Variants in WARS2 observed in about 807,000 individuals in gnomAD.
WARS2 encodes the protein tryptophanyl tRNA synthetase 2, mitochondrial.
In WARS2, 28 loss-of-function variants were observed where a neutral mutation model predicts 36.5. The ratio of observed to expected loss-of-function variants is 0.77; its 90% CI spans 0.57 to 1.05. WARS2 has a LOEUF of 1.05. Among genes scored for constraint, WARS2 ranks in the 50% least tolerant of loss-of-function variants. WARS2 has a pLI of 0.00. For synonymous variants in WARS2, 174 were observed against 178.4 expected, an observed-to-expected ratio of 0.98 and a Z score of 0.20; for missense variants, 435 against 456.8, an observed-to-expected ratio of 0.95 and a Z score of 0.44.
At chr1:119,109,580 T>C (rs1654488130) in intron 1 of WARS2, among the ~76,000 whole-genome samples, 1 of 151,970 alleles carries the variant, frequency 6.6e-6, no homozygotes, top group South Asian at 2.1e-4. Flanking sequence ...TAAATCCATA[T>C]GTGTCTTTAT....
At chr1:119,135,234 G>A (rs13376039) in intron 1 of WARS2, among the ~76,000 whole-genome samples, 1 of 152,208 alleles carries the variant, frequency 6.6e-6, no homozygotes, top group African/African-American at 2.4e-5. Flanking sequence ...GGAAGCTGCA[G>A]TATTTTTCAA....
At chr1:119,111,168 G>GT (rs1195990340) in intron 1 of WARS2, among the ~76,000 whole-genome samples, 2 of 152,104 alleles carry the variant, frequency 1.3e-5, no homozygotes, top group Non-Finnish European at 2.9e-5. Context: ...TTCAAATTGT[G>GT]TTTTTTACTG....
chr1:119,085,548 C>G, intron 1 of WARS2: 6 of 1,612,000 alleles, frequency 3.7e-6, no homozygotes, highest in Non-Finnish European at 5.1e-6. Context: ...ACGAGCCCCA[C>G]AGCCCTTCTC....
intron 1 of WARS2, among the ~76,000 whole-genome samples, chr1:119,100,454 AAAAAG>A (rs1653774899): frequency 6.6e-6 from 1 of 152,196 alleles, no homozygotes; most frequent in Non-Finnish European, 1.5e-5. Flanking sequence ...CTGCCCAAAG[AAAAAG>A]AAATCAATAT....
At chr1:119,139,365 GAA>G in intron 1 of WARS2, among the ~76,000 whole-genome samples, 1 of 152,256 alleles carries the variant, frequency 6.6e-6, no homozygotes, top group East Asian at 1.9e-4. Context: ...GACATGACTA[GAA>G]AAATAAGTTG....
At chr1:119,083,551 C>A (rs1652375829) in intron 1 of WARS2, among the ~76,000 whole-genome samples, 1 of 152,132 alleles carries the variant, frequency 6.6e-6, no homozygotes, top group Non-Finnish European at 1.5e-5. Context: ...GTAGTTATTT[C>A]TTTTGTACCT....
At chr1:119,106,103 C>T (rs1297803521) in intron 1 of WARS2, among the ~76,000 whole-genome samples, 1 of 152,160 alleles carries the variant, frequency 6.6e-6, no homozygotes, top group Non-Finnish European at 1.5e-5. Context: ...TTGGAATAGG[C>T]TGTTTTAGAA....
At chr1:119,085,484 CTT>C in intron 1 of WARS2, 2 of 1,572,236 alleles carry the variant, frequency 1.3e-6, no homozygotes, top group Non-Finnish European at 8.6e-7. Context: ...TTTTTTTGCG[CTT>C]TTTTGTTGGT....
At chr1:119,045,486 A>C (rs961888923) in intron 3 of WARS2, 96 bp downstream of exon 3, 12 of 1,016,014 alleles carry the variant, frequency 1.2e-5, no homozygotes, top group African/African-American at 1.6e-5. Context: ...AGTGAGTGGC[A>C]GACCAGGGAG....
intron 2 of WARS2, among the ~76,000 whole-genome samples, chr1:119,052,265 G>A (rs749302301): frequency 8.5e-4 from 130 of 152,050 alleles, no homozygotes; most frequent in African/African-American, 2.0e-3. Flanking sequence ...TTATTTTTTC[G>A]CATGTAAATG....
intron 1 of WARS2, among the ~76,000 whole-genome samples, chr1:119,106,165 T>C (rs185570884): frequency 1.1e-3 from 175 of 152,290 alleles, no homozygotes; most frequent in Admixed American, 0.01. Flanking sequence ...ATAAATTTAT[T>C]TTTTAGAGAC....
chr1:119,078,357 TAGG>T (rs1422031479), intron 1 of WARS2, among the ~76,000 whole-genome samples: 1 of 152,254 alleles, frequency 6.6e-6, no homozygotes, highest in African/African-American at 2.4e-5. Context: ...TGTATATATC[TAGG>T]AGTAGAATTG....
chr1:119,056,333 G>T (rs1293930676), intron 2 of WARS2, among the ~76,000 whole-genome samples: 1 of 150,050 alleles, frequency 6.7e-6, no homozygotes, highest in African/African-American at 2.4e-5. Context: ...CATCACGCCT[G>T]GCCCATACCA....
intron 2 of WARS2, among the ~76,000 whole-genome samples, chr1:119,051,395 C>T (rs1649337904): frequency 6.6e-6 from 1 of 152,134 alleles, no homozygotes; most frequent in Non-Finnish European, 1.5e-5. Context: ...CACAGTAATC[C>T]ATGGTAAAAT....
chr1:119,034,298 G>A, intron 4 of WARS2, 85 bp from the exon 5 acceptor site: 2 of 1,101,698 alleles, frequency 1.8e-6, no homozygotes, highest in Non-Finnish European at 2.7e-6. Flanking sequence ...CATTTCCTGT[G>A]AATATTTCAC....
At chr1:119,124,397 G>A (rs2101546547) in intron 1 of WARS2, among the ~76,000 whole-genome samples, 1 of 152,246 alleles carries the variant, frequency 6.6e-6, no homozygotes, top group African/African-American at 2.4e-5. Flanking sequence ...TGCTGAGGCA[G>A]GAGAATCGCT....
chr1:119,069,387 T>C (rs904625892), intron 2 of WARS2, among the ~76,000 whole-genome samples: 16 of 152,194 alleles, frequency 1.1e-4, no homozygotes, highest in African/African-American at 3.9e-4. Flanking sequence ...ACATATTTAA[T>C]GATCAATTAA....
At chr1:119,062,501 T>A (rs1650468499) in intron 2 of WARS2, among the ~76,000 whole-genome samples, 1 of 152,248 alleles carries the variant, frequency 6.6e-6, no homozygotes, top group Non-Finnish European at 1.5e-5. Flanking sequence ...ATTCATTTTT[T>A]AATCCCATAT....
intron 2 of WARS2, chr1:119,063,467 T>C (rs757599819): frequency 6.6e-6 from 1 of 152,156 alleles, no homozygotes; most frequent in Admixed American, 6.5e-5. Context: ...AGGAGCCTAA[T>C]GTTAATCCTC....
Sources: allele counts gnomAD v4.1 joint callset (sites outside exome capture counted in the v4.1 genomes callset), GRCh38; gene constraint gnomAD v4.1.1; transcripts MANE v1.5; gene names NCBI Gene and HGNC (gene_info 2026-07-23, HGNC 2026-07-21).